The following JAKMIP3 variants were observed in gnomAD, a reference collection of about 807,000 sequenced individuals.
JAKMIP3 encodes janus kinase and microtubule-interacting protein 3.
A neutral mutation model predicts 118.5 loss-of-function variants in JAKMIP3; 58 were observed. That is an observed-to-expected ratio of 0.49 (90% CI 0.40 to 0.61). JAKMIP3 has a LOEUF of 0.61. JAKMIP3 is among the 20% of genes least tolerant of loss of function. The probability of loss-of-function intolerance (pLI) is 0.00; values close to 1 mark genes in which losing one functional copy is unlikely to be tolerated. For missense variants in JAKMIP3, 950 were observed against 1,109.0 expected (o/e 0.86, Z 2.04); for synonymous variants, 486 against 451.2 (o/e 1.08, Z -0.98).
intron 3 of JAKMIP3, among the ~76,000 whole-genome samples, chr10:132,127,417 T>TGTGCGC (rs34435836): frequency 1.3e-5 from 2 of 149,974 alleles, no homozygotes; most frequent in African/African-American, 2.5e-5. Flanking sequence ...TGTGTGTGTG[T>TGTGCGC]GCGTGTGTGT....
chr10:132,055,233 A>G (rs2038207320), intron 1 of JAKMIP3, among the ~76,000 whole-genome samples: 1 of 152,196 alleles, frequency 6.6e-6, no homozygotes, highest in Non-Finnish European at 1.5e-5. Flanking sequence ...ACAAATTGCT[A>G]TCAATAGAAC....
chr10:132,081,248 A>G lies in JAKMIP3; in HGVS notation c.-138+15187A>G, dbSNP rs7893387. On this transcript the variant is annotated intron_variant, in intron 1 of 23. Coordinates refer to ENST00000684848, the MANE Select transcript of JAKMIP3 (RefSeq NM_001323087.2). ...GTCTTACTTAGTACCCTTGTCAAAG[A>G]TCATTTTATATGTGAACTCACACTT... 9.6e-3 allele frequency among the ~76,000 whole-genome samples: 1,468 copies of G among 152,296 alleles called. 29 individuals carry two copies. Among genetic ancestry groups the G allele is most frequent in the African/African-American group, 0.033 (1,354 of 41,558 alleles).
At chr10:132,113,105 A>G (rs2047119391) in intron 2 of JAKMIP3, among the ~76,000 whole-genome samples, 1 of 152,216 alleles carries the variant, frequency 6.6e-6, no homozygotes, top group South Asian at 2.1e-4. Context: ...AGGGCTCACT[A>G]GCCACTCTTG....
chr10:132,094,152 A>T (rs10870245), intron 1 of JAKMIP3, among the ~76,000 whole-genome samples: 51,002 of 150,582 alleles, frequency 0.34, 8,703 homozygotes, highest in Middle Eastern at 0.45. Context: ...CTGGTCTTGA[A>T]CTCCTGACTT....
At chr10:132,080,813 C>A (rs1471508244) in intron 1 of JAKMIP3, among the ~76,000 whole-genome samples, 3 of 152,052 alleles carry the variant, frequency 2.0e-5, no homozygotes, top group Non-Finnish European at 4.4e-5. Flanking sequence ...AGCCACCATG[C>A]CCGGCCAAGT....
Position 132,145,110 on chromosome 10 carries a change from C to G in JAKMIP3, c.1606C>G (p.Arg536Gly). The G allele has an allele frequency of 1.2e-6, 2 of 1,611,852 alleles. No homozygotes were observed. The highest frequency in any genetic ancestry group is 1.7e-6 in the Non-Finnish European group (2 of 1,179,464). The change falls in exon 12 of 24, where the codon CGT becomes GGT. Residue 536 changes from arginine to glycine, a missense_variant. Coordinates refer to ENST00000684848, the MANE Select transcript of JAKMIP3 (RefSeq NM_001323087.2). Reference protein sequence around the residue: ...TLDAEREVKTREQLQAEVQRA... With the variant: ...TLDAEREVKTGEQLQAEVQRA... The stretch of plus-strand genomic sequence containing the variant: ...TATCTTTCCTCCCGTCCTACAGACC[C>G]GTGAGCAGCTACAAGCCGAAGTGCA...
rs867055280 is a variant in JAKMIP3, at chr10:132,182,747, T to C, written c.*1494T>C. 5.9e-5 allele frequency: 9 copies of C among 152,258 alleles called. No individual in the cohort carries two copies. In the South Asian group the frequency reaches 6.2e-4, roughly 11 times the overall value. 9.4% of individuals were successfully genotyped at this position (152,258 alleles called of 1,614,324 possible). Reference sequence around the variant, plus strand: ...TAGGGAGGACTGGGTTGTCTGGAAGTATTAGGCTCATTTTATATTTGTGTC... The same window carrying C: ...TAGGGAGGACTGGGTTGTCTGGAAGCATTAGGCTCATTTTATATTTGTGTC... On this transcript the variant is annotated 3_prime_UTR_variant, in exon 24 of 24. Coordinates refer to ENST00000684848, the MANE Select transcript of JAKMIP3 (RefSeq NM_001323087.2).
At position 132,168,469 on chromosome 10, in the gene JAKMIP3, C is replaced by T; in HGVS notation, c.*539C>T. 1 of 1,169,990 alleles carries T rather than the reference C, an allele frequency of 8.5e-7. No individual in the cohort carries two copies. The highest frequency in any genetic ancestry group is 1.1e-6 in the Non-Finnish European group (1 of 895,564). 72.5% of individuals were successfully genotyped at this position (1,169,990 alleles called of 1,614,324 possible). A position where few individuals can be genotyped will look rare whatever the true frequency, so the allele number is the denominator to read the frequency against. Reference sequence around the variant, plus strand: ...TCCCTGGGATGGTCCTGGGAGGGCTCCCCGACGCCTCAGGGGCCCCTCCGA... The same window carrying T: ...TCCCTGGGATGGTCCTGGGAGGGCTTCCCGACGCCTCAGGGGCCCCTCCGA... On this transcript the variant is annotated 3_prime_UTR_variant, in exon 23 of 24. Transcript: ENST00000684848.
chr10:132,138,832 C>T (rs954435841), intron 9 of JAKMIP3, among the ~76,000 whole-genome samples: 4 of 152,190 alleles, frequency 2.6e-5, no homozygotes, highest in Non-Finnish European at 5.9e-5. Context: ...ACACACCCCA[C>T]GCTCGCCTGT....
At chr10:132,141,783 C>T in intron 10 of JAKMIP3, 137 bp from the exon 11 acceptor site, 1 of 982,402 alleles carries the variant, frequency 1.0e-6, no homozygotes, top group Non-Finnish European at 1.5e-6. Flanking sequence ...GGTCCCCTCC[C>T]TCATGCTGCT....
intron 3 of JAKMIP3, among the ~76,000 whole-genome samples, chr10:132,132,925 GTCC>G (rs943490678): frequency 8.5e-5 from 13 of 152,256 alleles, no homozygotes; most frequent in African/African-American, 3.1e-4. Context: ...TAACTTGGGT[GTCC>G]TCCTCTCTGT....
chr10:132,153,861 G>C, intron 18 of JAKMIP3, 34 bp downstream of exon 18: 1 of 1,612,640 alleles, frequency 6.2e-7, no homozygotes, highest in Non-Finnish European at 8.5e-7. Context: ...TCTGCGGCTC[G>C]GTGCTGCAGG....
At chr10:132,093,804 G>A (rs2043444162) in intron 1 of JAKMIP3, among the ~76,000 whole-genome samples, 2 of 152,146 alleles carry the variant, frequency 1.3e-5, no homozygotes, top group African/African-American at 4.8e-5. Flanking sequence ...TGGAAATGCA[G>A]AAATCACCCC....
chr10:132,090,696 C>T (rs1485102836), intron 1 of JAKMIP3, among the ~76,000 whole-genome samples: 1 of 152,172 alleles, frequency 6.6e-6, no homozygotes, highest in African/African-American at 2.4e-5. Flanking sequence ...GTTTTTGTCT[C>T]TATCTCCTTC....
At chr10:132,137,212 G>T in intron 7 of JAKMIP3, 42 bp from the exon 8 acceptor site, 1 of 1,613,864 alleles carries the variant, frequency 6.2e-7, no homozygotes. Context: ...TGGCTAACAG[G>T]GACCCTGAGC....
At chr10:132,160,060 C>T (rs1312235325) in intron 19 of JAKMIP3, among the ~76,000 whole-genome samples, 1 of 5,850 alleles carries the variant, frequency 1.7e-4, no homozygotes, top group Non-Finnish European at 2.7e-4. Flanking sequence ...CAGGCGGTGG[C>T]CTCTTCCTGT....
intron 13 of JAKMIP3, 81 bp downstream of exon 13, chr10:132,145,661 G>C (rs1410392770): frequency 8.3e-7 from 1 of 1,203,516 alleles, no homozygotes; most frequent in Non-Finnish European, 1.2e-6. Context: ...GGGGCTGAAG[G>C]ATGGAGCGAG....
At chr10:132,115,008 A>T (rs1000898913) in intron 2 of JAKMIP3, among the ~76,000 whole-genome samples, 1 of 152,190 alleles carries the variant, frequency 6.6e-6, no homozygotes, top group Admixed American at 6.5e-5. Flanking sequence ...TTTTTCCAGG[A>T]TATGGGAAAA....
chr10:132,114,759 C>T (rs141289023), intron 2 of JAKMIP3, among the ~76,000 whole-genome samples: 27 of 152,230 alleles, frequency 1.8e-4, no homozygotes, highest in African/African-American at 5.8e-4. Flanking sequence ...TTTATTTAAA[C>T]GCTTTTAAAT....
Sources: allele counts gnomAD v4.1 joint callset (sites outside exome capture counted in the v4.1 genomes callset), GRCh38; gene constraint gnomAD v4.1.1; transcripts MANE v1.5; gene names NCBI Gene and HGNC (gene_info 2026-07-23, HGNC 2026-07-21).